CAMK1D: variants seen among roughly 807,000 people sequenced by gnomAD.
CAMK1D encodes calcium/calmodulin dependent protein kinase ID, also known as calcium/calmodulin-dependent protein kinase type 1D.
Under a neutral mutation model 47.7 loss-of-function variants are expected in CAMK1D, and 9 were observed. The observed-to-expected ratio is 0.19, with a 90% CI of 0.11 to 0.33. The LOEUF is 0.33. Among genes scored for constraint, CAMK1D ranks in the 10% least tolerant of loss-of-function variants. The probability of loss-of-function intolerance (pLI) is 1.00; values close to 1 mark genes in which losing one functional copy is unlikely to be tolerated. For synonymous variants in CAMK1D, 184 were observed against 184.9 expected (o/e 0.99, Z 0.04); for missense variants, 291 against 488.7 (o/e 0.60, Z 3.81).
intron 1 of CAMK1D, among the ~76,000 whole-genome samples, chr10:12,375,979 A>G (rs1016951954): frequency 4.0e-5 from 6 of 151,866 alleles, no homozygotes; most frequent in Admixed American, 6.6e-5. Flanking sequence ...CCTGGCCAAC[A>G]TAGCGAAACC....
At chr10:12,619,845 G>C (rs368690530) in intron 2 of CAMK1D, among the ~76,000 whole-genome samples, 1 of 151,956 alleles carries the variant, frequency 6.6e-6, no homozygotes, top group Non-Finnish European at 1.5e-5. Flanking sequence ...CTTCCCTCCT[G>C]CATGATCTCA....
At chr10:12,560,718 T>C (rs997039520) in intron 2 of CAMK1D, among the ~76,000 whole-genome samples, 4 of 151,986 alleles carry the variant, frequency 2.6e-5, no homozygotes, top group Non-Finnish European at 4.4e-5. Context: ...TCTGAGCTGC[T>C]TAGAAGGGTC....
chr10:12,716,254 A>G (rs549183895), intron 3 of CAMK1D, among the ~76,000 whole-genome samples: 1 of 151,966 alleles, frequency 6.6e-6, no homozygotes, highest in African/African-American at 2.4e-5. Context: ...GCTGCAGAGG[A>G]TGTCTTGTGT....
intron 1 of CAMK1D, among the ~76,000 whole-genome samples, chr10:12,431,679 TGCTTTAATAAA>T (rs1832482160): frequency 6.6e-6 from 1 of 152,238 alleles, no homozygotes; most frequent in Non-Finnish European, 1.5e-5. Context: ...GTCCGTTCCC[TGCTTTAATAAA>T]GCCTCTGATC....
chr10:12,483,884 GC>G (rs1834136313), intron 1 of CAMK1D, among the ~76,000 whole-genome samples: 1 of 152,066 alleles, frequency 6.6e-6, no homozygotes, highest in African/African-American at 2.4e-5. Flanking sequence ...ATCAGGTTTT[GC>G]CATGTTGGCC....
At position 12,566,647 on chromosome 10, in the gene CAMK1D, C is replaced by T. The variant is rs1022843771; in HGVS notation, c.224+13291C>T. Among the ~76,000 whole-genome samples the T allele has an allele frequency of 3.3e-5, 5 of 152,290 alleles. No individual in the cohort carries two copies. The East Asian group carries it at 5.8e-4, about 18-fold the overall frequency. On this transcript the variant is annotated intron_variant, in intron 2 of 10. Transcript: ENST00000619168. Reference sequence around the variant, plus strand: ...AGGTCATGGAGCTAAGCCGGGCAGACGCGGAGCCAGAAGGATGGTTTCTGA... The same window carrying T: ...AGGTCATGGAGCTAAGCCGGGCAGATGCGGAGCCAGAAGGATGGTTTCTGA...
chr10:12,735,004 C>T (rs567521720), intron 3 of CAMK1D, among the ~76,000 whole-genome samples: 1 of 152,192 alleles, frequency 6.6e-6, no homozygotes, highest in South Asian at 2.1e-4. Flanking sequence ...AGGTGTGATT[C>T]CAAGCATTTA....
At chr10:12,408,530 A>G (rs1486379551) in intron 1 of CAMK1D, among the ~76,000 whole-genome samples, 1 of 152,174 alleles carries the variant, frequency 6.6e-6, no homozygotes, top group Non-Finnish European at 1.5e-5. Flanking sequence ...TCTGCAAGGC[A>G]CAGTCATGAA....
intron 2 of CAMK1D, among the ~76,000 whole-genome samples, chr10:12,571,220 G>C (rs1837313442): frequency 6.6e-6 from 1 of 151,984 alleles, no homozygotes; most frequent in African/African-American, 2.4e-5. Flanking sequence ...GCTTAGGTGG[G>C]CAGATCACGA....
intron 1 of CAMK1D, among the ~76,000 whole-genome samples, chr10:12,487,767 A>G (rs1166576814): frequency 1.3e-5 from 2 of 152,384 alleles, no homozygotes; most frequent in East Asian, 3.9e-4. Context: ...TTCTAACAGC[A>G]GAATGTTGGT....
chr10:12,793,815 G>A (rs189713366), intron 6 of CAMK1D, among the ~76,000 whole-genome samples: 19 of 152,352 alleles, frequency 1.2e-4, no homozygotes, highest in Middle Eastern at 3.4e-3. Context: ...GGCAGGAAAC[G>A]TGTTGGCAGT....
chr10:12,819,559 G>T (rs977773411), intron 8 of CAMK1D, among the ~76,000 whole-genome samples: 2 of 152,212 alleles, frequency 1.3e-5, no homozygotes, highest in African/African-American at 2.4e-5. Context: ...GACCCCGCAG[G>T]ACTTTTCAAG....
chr10:12,430,542 C>A (rs1459324811), intron 1 of CAMK1D, among the ~76,000 whole-genome samples: 1 of 152,220 alleles, frequency 6.6e-6, no homozygotes, highest in African/African-American at 2.4e-5. Flanking sequence ...GTGGGTCACA[C>A]ACCAGAGTCT....
chr10:12,573,869 TCTCA>T (rs1416353902), intron 2 of CAMK1D, among the ~76,000 whole-genome samples: 1 of 121,532 alleles, frequency 8.2e-6, no homozygotes, highest in Admixed American at 1.0e-4. Context: ...GGAGATGGGG[TCTCA>T]CTCTGCTACC....
At chr10:12,373,329 G>A (rs1215200494) in intron 1 of CAMK1D, among the ~76,000 whole-genome samples, 3 of 137,824 alleles carry the variant, frequency 2.2e-5, no homozygotes, top group Non-Finnish European at 4.8e-5. Context: ...AAAGAAAAAA[G>A]ATATTAAAAA....
chr10:12,569,920 G>A (rs1837268945), intron 2 of CAMK1D, among the ~76,000 whole-genome samples: 1 of 150,764 alleles, frequency 6.6e-6, no homozygotes, highest in Non-Finnish European at 1.5e-5. Flanking sequence ...AAATATTTTA[G>A]GCCGGGCATG....
chr10:12,696,054 G>T (rs1285548495), intron 3 of CAMK1D, among the ~76,000 whole-genome samples: 1 of 151,894 alleles, frequency 6.6e-6, no homozygotes, highest in Non-Finnish European at 1.5e-5. Flanking sequence ...CTCCAGCCTG[G>T]GTCCAGCCTG....
intron 1 of CAMK1D, among the ~76,000 whole-genome samples, chr10:12,376,852 C>T (rs908188752): frequency 2.0e-5 from 3 of 151,836 alleles, no homozygotes; most frequent in African/African-American, 7.3e-5. Context: ...CCTCTGCCTC[C>T]TAGGTTCAAG....
chr10:12,803,572 T>A (rs1370865480), intron 6 of CAMK1D, among the ~76,000 whole-genome samples: 7 of 152,088 alleles, frequency 4.6e-5, no homozygotes, highest in African/African-American at 1.7e-4. Context: ...GGAAAATCAC[T>A]TGAACCTAGG....
Sources: gnomAD v4.1 joint callset for allele counts (sites outside exome capture counted in the v4.1 genomes callset) on GRCh38, gnomAD v4.1.1 for gene constraint, MANE v1.5 for transcripts, NCBI Gene and HGNC (gene_info 2026-07-23, HGNC 2026-07-21) for gene names.